The following GRM7 variants were observed in gnomAD, a reference collection of about 807,000 sequenced individuals.
GRM7 encodes metabotropic glutamate receptor 7.
A neutral mutation model predicts 84.5 loss-of-function variants in GRM7; 35 were observed. The observed-to-expected ratio is 0.41, with a 90% CI of 0.32 to 0.55. The LOEUF is 0.55. Ranked by LOEUF, GRM7 falls within the 20% of genes least tolerant of loss-of-function variation. The probability of loss-of-function intolerance (pLI) is 0.19; values close to 1 mark genes in which losing one functional copy is unlikely to be tolerated. For synonymous variants in GRM7, 487 were observed against 455.1 expected (o/e 1.07, Z -0.89); for missense variants, 1,003 against 1,194.6 (o/e 0.84, Z 2.36).
At chr3:7,402,363 A>G (rs931129117) in intron 4 of GRM7, among the ~76,000 whole-genome samples, 2 of 152,208 alleles carry the variant, frequency 1.3e-5, no homozygotes, top group African/African-American at 4.8e-5. Context: ...AGAGGTGAGG[A>G]CAATTCACCT....
At chr3:7,718,624 G>A (rs530084980) in intron 9 of GRM7, among the ~76,000 whole-genome samples, 13 of 152,238 alleles carry the variant, frequency 8.5e-5, no homozygotes, top group African/African-American at 3.1e-4. Flanking sequence ...CATAAAAATA[G>A]AAATTTAAAA....
At position 7,230,385 on chromosome 3, in the gene GRM7, CA is replaced by C. The variant is rs1477330706; in HGVS notation, c.737-68298del. Among the ~76,000 whole-genome samples the C allele has an allele frequency of 2.6e-5, 4 of 152,252 alleles. No individual in the cohort carries two copies. The East Asian group carries it at 5.8e-4, about 22-fold the overall frequency. ...GTCACATACTGCTAGGTTTTCATCTCATCTGTCAAGGTGTCATCTGTCAATA... is the reference window on the plus strand; with the variant it reads ...GTCACATACTGCTAGGTTTTCATCTCTCTGTCAAGGTGTCATCTGTCAATA... On this transcript the variant is annotated intron_variant, in intron 2 of 9. Transcript: ENST00000357716.
chr3:7,089,488 G>A (rs756895429), intron 1 of GRM7, among the ~76,000 whole-genome samples: 1 of 152,104 alleles, frequency 6.6e-6, no homozygotes, highest in Non-Finnish European at 1.5e-5. Flanking sequence ...TGCGGGAGAA[G>A]CAGAAGGATT....
At chr3:6,883,963 T>TC (rs1695601987) in intron 1 of GRM7, among the ~76,000 whole-genome samples, 1 of 152,030 alleles carries the variant, frequency 6.6e-6, no homozygotes, top group Non-Finnish European at 1.5e-5. Context: ...GACATGGAAC[T>TC]CCCCCTATAG....
intron 1 of GRM7, among the ~76,000 whole-genome samples, chr3:6,910,900 G>T (rs1362823029): frequency 2.0e-5 from 3 of 152,012 alleles, no homozygotes; most frequent in Non-Finnish European, 4.4e-5. Flanking sequence ...ATCTAACAGA[G>T]TTCTATATTG....
At chr3:7,489,016 T>C (rs1699425659) in intron 7 of GRM7, among the ~76,000 whole-genome samples, 1 of 152,138 alleles carries the variant, frequency 6.6e-6, no homozygotes, top group Non-Finnish European at 1.5e-5. Flanking sequence ...TTAACTCTTT[T>C]TGGTTATCTG....
At chr3:7,444,264 A>T (rs922232575) in intron 5 of GRM7, among the ~76,000 whole-genome samples, 2 of 152,186 alleles carry the variant, frequency 1.3e-5, no homozygotes, top group Non-Finnish European at 2.9e-5. Context: ...AGCTAAGAGG[A>T]CAGGCATCTA....
intron 9 of GRM7, among the ~76,000 whole-genome samples, chr3:7,691,738 G>T (rs1383258461): frequency 6.6e-6 from 1 of 152,188 alleles, no homozygotes; most frequent in Non-Finnish European, 1.5e-5. Flanking sequence ...TCCGCTCACT[G>T]CAACGTCTGC....
intron 1 of GRM7, among the ~76,000 whole-genome samples, chr3:6,936,608 AGTT>A (rs1559338703): frequency 6.6e-6 from 1 of 151,830 alleles, no homozygotes; most frequent in East Asian, 1.9e-4. Context: ...TTTATGCTGG[AGTT>A]GTTATGTGAT....
At chr3:7,355,967 C>T (rs116381812) in intron 4 of GRM7, among the ~76,000 whole-genome samples, 15 of 152,230 alleles carry the variant, frequency 9.9e-5, no homozygotes, top group East Asian at 3.9e-4. Flanking sequence ...CAGAAGTCAA[C>T]GCTGCAGCAC....
chr3:7,273,245 T>C (rs11922034), intron 2 of GRM7, among the ~76,000 whole-genome samples: 6,810 of 152,104 alleles, frequency 0.045, 506 homozygotes, highest in African/African-American at 0.15. Context: ...TTTAAAATAA[T>C]GTGTTGAGAT....
At chr3:7,492,993 C>T (rs1282145742) in intron 7 of GRM7, among the ~76,000 whole-genome samples, 1 of 151,790 alleles carries the variant, frequency 6.6e-6, no homozygotes, top group Admixed American at 6.6e-5. Flanking sequence ...TTCCTGTTTC[C>T]TGTTACTGAT....
intron 1 of GRM7, among the ~76,000 whole-genome samples, chr3:7,092,055 C>G (rs1041411157): frequency 1.3e-5 from 2 of 152,020 alleles, no homozygotes; most frequent in Non-Finnish European, 2.9e-5. Flanking sequence ...GTCACCCAGG[C>G]TGGAGTGAAG....
At chr3:6,936,788 T>G (rs1024670128) in intron 1 of GRM7, among the ~76,000 whole-genome samples, 2 of 152,206 alleles carry the variant, frequency 1.3e-5, no homozygotes, top group Admixed American at 1.3e-4. Context: ...TAGTAGATAC[T>G]TCATCATTTG....
rs972970071 is a variant in GRM7, at chr3:7,129,494, A to G, written c.520-16958A>G. On this transcript the variant is annotated intron_variant, in intron 1 of 9. Coordinates refer to ENST00000357716, the MANE Select transcript of GRM7 (RefSeq NM_000844.4). ...CATTTTTAAAAAATCAGTTCTTGCAACTACGTGTGATTCATGAGAATATTT... is the reference window on the plus strand; with the variant it reads ...CATTTTTAAAAAATCAGTTCTTGCAGCTACGTGTGATTCATGAGAATATTT... Among the ~76,000 whole-genome samples the G allele has an allele frequency of 4.7e-4, 72 of 152,252 alleles. 3 individuals are homozygous for G. Among genetic ancestry groups the G allele is most frequent in the Non-Finnish European group, 1.0e-4 (7 of 68,044 alleles).
intron 3 of GRM7, among the ~76,000 whole-genome samples, chr3:7,301,465 A>G (rs1699998911): frequency 6.6e-6 from 1 of 152,170 alleles, no homozygotes; most frequent in African/African-American, 2.4e-5. Flanking sequence ...TTTGCTAAAT[A>G]TGTAATACCT....
At chr3:7,338,778 C>T (rs1167612437) in intron 4 of GRM7, among the ~76,000 whole-genome samples, 4 of 152,082 alleles carry the variant, frequency 2.6e-5, no homozygotes, top group Admixed American at 1.3e-4. Context: ...CCTAAACAAG[C>T]GTATAAATTT....
chr3:7,061,915 C>T (rs1697445405), intron 1 of GRM7, among the ~76,000 whole-genome samples: 1 of 151,660 alleles, frequency 6.6e-6, no homozygotes, highest in Non-Finnish European at 1.5e-5. Context: ...ATAGCATATT[C>T]CCTGCCCCTA....
intron 2 of GRM7, among the ~76,000 whole-genome samples, chr3:7,235,644 A>G (rs1393161349): frequency 6.6e-6 from 1 of 152,328 alleles, no homozygotes; most frequent in Admixed American, 6.5e-5. Context: ...TTGCCTCTCT[A>G]TTTAACACAT....
Sources: gnomAD v4.1 joint callset for allele counts (sites outside exome capture counted in the v4.1 genomes callset) on GRCh38, gnomAD v4.1.1 for gene constraint, MANE v1.5 for transcripts, NCBI Gene and HGNC (gene_info 2026-07-23, HGNC 2026-07-21) for gene names.